Variants in SLC14A2 observed in about 807,000 individuals in gnomAD.
The protein encoded by SLC14A2 is urea transporter 2.
In SLC14A2, 91 loss-of-function variants were observed where a neutral mutation model predicts 104.6. That is an observed-to-expected ratio of 0.87 (90% confidence interval 0.73 to 1.04). The LOEUF (loss-of-function observed/expected upper bound fraction) is 1.04. Ranked by LOEUF, SLC14A2 falls within the 50% of genes least tolerant of loss-of-function variation. The pLI is 0.00. For missense variants in SLC14A2, 1,189 were observed against 1,156.0 expected (o/e 1.03, Z -0.41); for synonymous variants, 476 against 466.4 (o/e 1.02, Z -0.27).
At chr18:45,320,654 C>A (rs2085176012) in intron 1 of SLC14A2, among the ~76,000 whole-genome samples, 2 of 152,200 alleles carry the variant, frequency 1.3e-5, no homozygotes, top group Admixed American at 1.3e-4. Flanking sequence ...TCTGGACTTG[C>A]AGCTGAAGTT....
chr18:45,643,558 G>A lies in SLC14A2; in HGVS notation c.1176+377G>A, dbSNP rs534933421. Among the ~76,000 whole-genome samples the A allele has an allele frequency of 3.3e-5, 5 of 152,208 alleles. 1 individual carries two copies. Among genetic ancestry groups the A allele is most frequent in the Admixed American group, 6.5e-5 (1 of 15,292 alleles). Reference sequence around the variant, plus strand: ...TGTTTTTGTTTTCTTTGCAAGACAGGGTCTCGCACTGTTGCCCAGGCTGGA... The same window carrying A: ...TGTTTTTGTTTTCTTTGCAAGACAGAGTCTCGCACTGTTGCCCAGGCTGGA... On this transcript the variant is annotated intron_variant, in intron 9 of 19. Coordinates refer to ENST00000255226, the MANE Select transcript of SLC14A2 (RefSeq NM_007163.4).
intron 1 of SLC14A2, among the ~76,000 whole-genome samples, chr18:45,329,544 A>G (rs1705198620): frequency 6.6e-6 from 1 of 152,220 alleles, no homozygotes; most frequent in African/African-American, 2.4e-5. Flanking sequence ...GAGGTAATTT[A>G]TAAGGAGGGG....
rs182209200 is a variant in SLC14A2 at position 45,683,364 on chromosome 18, T to G, written c.*845T>G. On this transcript the variant is annotated 3_prime_UTR_variant, in exon 20 of 20. Coordinates refer to ENST00000255226, the MANE Select transcript of SLC14A2 (RefSeq NM_007163.4). ...TTTCCACCTCAGAAGTGTTGATTAT[T>G]CTCTCTCTCCTATAATCTGATGAAA... 6.6e-6 allele frequency: 1 copy of G among 152,170 alleles called. No individual in the cohort carries two copies. The highest frequency in any genetic ancestry group is 2.1e-4 in the South Asian group (1 of 4,828). 9.4% of individuals were successfully genotyped at this position (152,170 alleles called of 1,614,324 possible). A position where few individuals can be genotyped will look rare whatever the true frequency, so the allele number is the denominator to read the frequency against.
intron 2 of SLC14A2, among the ~76,000 whole-genome samples, chr18:45,552,994 AAGG>A (rs1183736756): frequency 6.6e-6 from 1 of 152,136 alleles, no homozygotes; most frequent in Non-Finnish European, 1.5e-5. Flanking sequence ...GGATAGAAGA[AAGG>A]AGAATGTGCT....
intron 1 of SLC14A2, among the ~76,000 whole-genome samples, chr18:45,373,196 GT>G (rs2144358800): frequency 6.6e-6 from 1 of 152,310 alleles, no homozygotes; most frequent in Non-Finnish European, 1.5e-5. Flanking sequence ...CAGAGTGATA[GT>G]TCCTTATAAC....
At chr18:45,594,785 C>A (rs945429610) in intron 2 of SLC14A2, among the ~76,000 whole-genome samples, 2 of 152,158 alleles carry the variant, frequency 1.3e-5, no homozygotes, top group African/African-American at 4.8e-5. Context: ...AACTCTAGAG[C>A]CTAAGTCTTG....
intron 1 of SLC14A2, among the ~76,000 whole-genome samples, chr18:45,327,726 TG>T (rs2085250320): frequency 6.6e-6 from 1 of 152,246 alleles, no homozygotes; most frequent in African/African-American, 2.4e-5. Context: ...TCTTCCTTTT[TG>T]AGGCCGAAAA....
chr18:45,187,819 A>G, the SLC14A2 span, among the ~76,000 whole-genome samples: 1 of 152,148 alleles, frequency 6.6e-6, no homozygotes, highest in Admixed American at 6.6e-5. Context: ...GTTTTGGGAG[A>G]ATATTGTGGA....
chr18:45,578,013 G>A (rs1297853951), intron 2 of SLC14A2, among the ~76,000 whole-genome samples: 1 of 152,126 alleles, frequency 6.6e-6, no homozygotes, highest in Non-Finnish European at 1.5e-5. Context: ...TCCATTCCAA[G>A]GCCCTAAAAT....
chr18:45,558,526 A>G (rs1056213894), intron 2 of SLC14A2, among the ~76,000 whole-genome samples: 5 of 152,214 alleles, frequency 3.3e-5, no homozygotes, highest in Non-Finnish European at 7.3e-5. Flanking sequence ...AACTGAGTGT[A>G]GAGCAGAGAA....
At chr18:45,382,101 G>A (rs1331357186) in intron 1 of SLC14A2, among the ~76,000 whole-genome samples, 1 of 152,202 alleles carries the variant, frequency 6.6e-6, no homozygotes, top group African/African-American at 2.4e-5. Flanking sequence ...GGATAGGCCA[G>A]GGGCTCAGAT....
At chr18:45,214,001 A>G (rs971862959) in intron 1 of SLC14A2, among the ~76,000 whole-genome samples, 2 of 152,036 alleles carry the variant, frequency 1.3e-5, no homozygotes, top group African/African-American at 4.8e-5. Flanking sequence ...AGCATTCCCC[A>G]CCTGCCAGGA....
intron 4 of SLC14A2, 83 bp downstream of exon 4, chr18:45,627,230 T>C (rs2045273892): frequency 7.6e-7 from 1 of 1,308,408 alleles, no homozygotes; most frequent in East Asian, 2.3e-5. Context: ...CAGTCAACCT[T>C]ACCCTCCCAG....
chr18:45,555,303 C>T (rs1022525581), intron 2 of SLC14A2, among the ~76,000 whole-genome samples: 19 of 152,164 alleles, frequency 1.2e-4, no homozygotes, highest in African/African-American at 4.1e-4. Flanking sequence ...TAGTTTTATA[C>T]ACATGGTCCC....
rs2045269987 is a variant in SLC14A2 at position 45,627,039 on chromosome 18, G to A, written c.413G>A (p.Gly138Asp). 2 of 1,613,450 alleles carry A rather than the reference G, an allele frequency of 1.2e-6. No homozygotes were observed. The highest frequency in any genetic ancestry group is 2.2e-5 in the South Asian group (2 of 91,046). Residue 138 changes from glycine (G) to aspartate (D), a missense_variant, in exon 4 of 20, where the codon GGC becomes GAC. Physicochemically the swap from Gly to Asp is moderately conservative, Grantham distance 94 (BLOSUM62 -1). Coordinates refer to ENST00000255226, the MANE Select transcript of SLC14A2 (RefSeq NM_007163.4). ...ATGTTCATCAACAATCCTCTCAGCGGCCTCATCATCTTCATAGGGCTGCTG... is the reference window on the plus strand; with the variant it reads ...ATGTTCATCAACAATCCTCTCAGCGACCTCATCATCTTCATAGGGCTGCTG... ...QVMFINNPLSGLIIFIGLLIQ... is the reference protein window; with the variant it reads ...QVMFINNPLSDLIIFIGLLIQ...
intron 2 of SLC14A2, among the ~76,000 whole-genome samples, chr18:45,506,058 CCAGCAGGAGATT>C (rs2043279697): frequency 6.6e-6 from 1 of 152,088 alleles, no homozygotes; most frequent in Non-Finnish European, 1.5e-5. Flanking sequence ...TGCTAGCCTC[CCAGCAGGAGATT>C]CTGCTTCCAG....
chr18:45,365,219 C>A (rs555274502), intron 1 of SLC14A2, among the ~76,000 whole-genome samples: 16 of 152,338 alleles, frequency 1.1e-4, no homozygotes, highest in Non-Finnish European at 2.1e-4. Context: ...GTTAGAAATT[C>A]TGGGTATAGG....
chr18:45,587,311 A>T (rs2044581377), intron 2 of SLC14A2, among the ~76,000 whole-genome samples: 2 of 152,232 alleles, frequency 1.3e-5, no homozygotes, highest in African/African-American at 4.8e-5. Flanking sequence ...TATGTTAACT[A>T]TACTAATAAC....
chr18:45,315,656 G>A (rs1300293054), intron 1 of SLC14A2, among the ~76,000 whole-genome samples: 1 of 152,076 alleles, frequency 6.6e-6, no homozygotes. Flanking sequence ...GGGCTTGAGG[G>A]TTCCCTAAAT....
Sources: gnomAD v4.1 joint callset for allele counts (sites outside exome capture counted in the v4.1 genomes callset) on GRCh38, gnomAD v4.1.1 for gene constraint, MANE v1.5 for transcripts, NCBI Gene and HGNC (gene_info 2026-07-23, HGNC 2026-07-21) for gene names.